Variants in RRAGC observed in about 807,000 individuals in gnomAD.
The protein encoded by RRAGC is Ras related GTP binding C.
A neutral mutation model predicts 37.1 loss-of-function variants in RRAGC; 8 were observed. That is an observed-to-expected ratio of 0.22 (90% CI 0.13 to 0.39). The LOEUF (loss-of-function observed/expected upper bound fraction) is 0.39, where lower values mean the gene tolerates loss of function less well. Among genes scored for constraint, RRAGC ranks in the 10% least tolerant of loss-of-function variants. RRAGC has a pLI of 1.00. For missense variants in RRAGC, 342 were observed against 497.6 expected, an observed-to-expected ratio of 0.69 and a Z score of 2.98; for synonymous variants, 190 against 181.1, an observed-to-expected ratio of 1.05 and a Z score of -0.39.
At chr1:38,850,251 C>G (rs1291177507) in intron 5 of RRAGC, among the ~76,000 whole-genome samples, 1 of 151,788 alleles carries the variant, frequency 6.6e-6, no homozygotes, top group Non-Finnish European at 1.5e-5. Context: ...TGGCTCACAC[C>G]TGTAATCCCA....
At chr1:38,842,369 G>A (rs1419679182) in intron 6 of RRAGC, among the ~76,000 whole-genome samples, 4 of 152,192 alleles carry the variant, frequency 2.6e-5, no homozygotes, top group Non-Finnish European at 1.5e-5. Context: ...CAGGTAAAAT[G>A]TGAAAGAAGA....
At chr1:38,849,950 T>C (rs565445414) in intron 5 of RRAGC, among the ~76,000 whole-genome samples, 6 of 152,234 alleles carry the variant, frequency 3.9e-5, no homozygotes, top group Non-Finnish European at 7.4e-5. Flanking sequence ...CTCATGCCTG[T>C]AATCCCAGCG....
intron 5 of RRAGC, among the ~76,000 whole-genome samples, chr1:38,850,014 G>A (rs1642079730): frequency 6.7e-6 from 1 of 149,390 alleles, no homozygotes; most frequent in African/African-American, 2.5e-5. Flanking sequence ...AGACCAGCCT[G>A]GCCAACATGG....
rs1570856482 is a variant in RRAGC at position 38,839,235 on chromosome 1, G to A, written c.*318C>T. ...ATGGCAACATTCCCTGGTAAGGATG[G>A]GTAACTGGTGTTATCTCCAGGTCCA... On this transcript the variant is annotated 3_prime_UTR_variant, in exon 7 of 7. Transcript: ENST00000373001. The A allele has an allele frequency of 4.0e-6, 1 of 248,650 alleles. No homozygotes were observed. The highest frequency in any genetic ancestry group is 7.6e-6 in the Non-Finnish European group (1 of 132,106). 15.4% of individuals were successfully genotyped at this position (248,650 alleles called of 1,614,324 possible).
At chr1:38,858,094 C>T (rs996360619) in intron 1 of RRAGC, among the ~76,000 whole-genome samples, 1 of 152,092 alleles carries the variant, frequency 6.6e-6, no homozygotes, top group African/African-American at 2.4e-5. Context: ...ATGTGAATAA[C>T]TGAAATTAGT....
intron 6 of RRAGC, 116 bp from the exon 7 acceptor site, chr1:38,839,820 C>T (rs1641941965): frequency 5.1e-6 from 5 of 980,154 alleles, no homozygotes; most frequent in African/African-American, 1.6e-5. Flanking sequence ...CTTAAGCCTC[C>T]AAACTAGATA....
At chr1:38,856,806 A>C in intron 2 of RRAGC, 73 bp downstream of exon 2, 1 of 1,425,110 alleles carries the variant, frequency 7.0e-7, no homozygotes, top group Non-Finnish European at 9.9e-7. Flanking sequence ...CATGACAAAG[A>C]AGATAAACAA....
intron 1 of RRAGC, 54 bp from the exon 2 acceptor site, chr1:38,857,136 TA>T (rs1642177387): frequency 7.1e-7 from 1 of 1,400,842 alleles, no homozygotes; most frequent in Admixed American, 2.0e-5. Flanking sequence ...AATTTAAATT[TA>T]AAATTCCACC....
chr1:38,843,739 G>A (rs1641994387), intron 6 of RRAGC, among the ~76,000 whole-genome samples: 1 of 151,744 alleles, frequency 6.6e-6, no homozygotes, highest in Non-Finnish European at 1.5e-5. Context: ...AAAAACTCAG[G>A]TAGAAGAGGA....
chr1:38,850,496 G>C (rs570018916), intron 5 of RRAGC, among the ~76,000 whole-genome samples: 1 of 150,016 alleles, frequency 6.7e-6, no homozygotes, highest in African/African-American at 2.5e-5. Flanking sequence ...CCTGGGCGAC[G>C]GAGCAAGACT....
At position 38,859,425 on chromosome 1, in the gene RRAGC, C is replaced by T. The variant is rs1156803203; in HGVS notation, c.222G>A (p.Lys74=). 2 of 1,548,296 alleles carry T rather than the reference C, an allele frequency of 1.3e-6. No individual in the cohort carries two copies. The highest frequency in any genetic ancestry group is 4.9e-5 in the East Asian group (2 of 40,902). Residue 74 remains lysine, a synonymous_variant, in exon 1 of 7, where the codon AAG becomes AAA. Coordinates refer to ENST00000373001, the MANE Select transcript of RRAGC (RefSeq NM_022157.4). ...ILLMGLRRSG[K]SSIQKVVFHK... Reference sequence around the variant, plus strand: ...CCCTGCTCACCTTCTGGATGGAGGACTTGCCGCTGCGCCGGAGTCCCATGA... The same window carrying T: ...CCCTGCTCACCTTCTGGATGGAGGATTTGCCGCTGCGCCGGAGTCCCATGA...
At chr1:38,856,044 T>C (rs1318436276) in intron 2 of RRAGC, 137 bp from the exon 3 acceptor site, 5 of 541,698 alleles carry the variant, frequency 9.2e-6, no homozygotes, top group Non-Finnish European at 1.6e-5. Context: ...CATTCAAATA[T>C]ACTATACTAC....
intron 5 of RRAGC, chr1:38,846,294 C>T: frequency 6.0e-6 from 3 of 499,198 alleles, no homozygotes; most frequent in Non-Finnish European, 1.0e-5. Context: ...ACTCCATACA[C>T]ATCCTTTAAT....
chr1:38,846,148 A>G (rs559662598), intron 5 of RRAGC, 61 bp from the exon 6 acceptor site: 2 of 1,317,758 alleles, frequency 1.5e-6, no homozygotes, highest in African/African-American at 3.0e-5. Context: ...GCCACATTTA[A>G]TCTGCACAAT....
rs983372405 is a variant in RRAGC at position 38,859,710 on chromosome 1, T to C, written c.-64A>G. On this transcript the variant is annotated 5_prime_UTR_variant, in exon 1 of 7. Coordinates refer to ENST00000373001, the MANE Select transcript of RRAGC (RefSeq NM_022157.4). ...GGCCAGGCCGAGCCAGGCCGCCGCC[T>C]CCCCAGTCCGCCTCCGCCGCCGCCG... is the stretch of plus-strand genomic sequence containing the variant. 2.1e-5 allele frequency: 26 copies of C among 1,242,344 alleles called. No individual in the cohort carries two copies. In the African/African-American group the frequency reaches 2.9e-4, roughly 14 times the overall value. The allele number at this position is 1,242,344 out of a possible 1,614,324, so 77.0% of individuals were successfully genotyped here. A position where few individuals can be genotyped will look rare whatever the true frequency, so the allele number is the denominator to read the frequency against.
chr1:38,852,528 C>T (rs940531642), intron 3 of RRAGC, 40 bp from the exon 4 acceptor site: 1 of 938,190 alleles, frequency 1.1e-6, no homozygotes, highest in African/African-American at 1.7e-5. Context: ...TGAAAAATAC[C>T]TTATGTTCTA....
chr1:38,845,353 T>C (rs1642015564), intron 6 of RRAGC, among the ~76,000 whole-genome samples: 1 of 152,172 alleles, frequency 6.6e-6, no homozygotes, highest in Non-Finnish European at 1.5e-5. Context: ...GAAACCATCA[T>C]TCTCAGCAAA....
chr1:38,843,722 A>G (rs1641994118), intron 6 of RRAGC, among the ~76,000 whole-genome samples: 2 of 152,092 alleles, frequency 1.3e-5, no homozygotes, highest in South Asian at 2.1e-4. Context: ...TGTCTCAAAA[A>G]AAAAAAAAAA....
At chr1:38,843,324 A>G (rs1264899850) in intron 6 of RRAGC, among the ~76,000 whole-genome samples, 1 of 152,162 alleles carries the variant, frequency 6.6e-6, no homozygotes, top group African/African-American at 2.4e-5. Flanking sequence ...CTCTTAAAAA[A>G]AAAAAAAGAT....
Sources: allele counts gnomAD v4.1 joint callset (sites outside exome capture counted in the v4.1 genomes callset), GRCh38; gene constraint gnomAD v4.1.1; transcripts MANE v1.5; gene names NCBI Gene and HGNC (gene_info 2026-07-23, HGNC 2026-07-21).